SLC4A4: variants seen among roughly 807,000 people sequenced by gnomAD.
The protein encoded by SLC4A4 is solute carrier family 4 member 4, also known as electrogenic sodium bicarbonate cotransporter 1.
A neutral mutation model predicts 111.5 loss-of-function variants in SLC4A4; 27 were observed. That is an observed-to-expected ratio of 0.24 (90% CI 0.18 to 0.33). SLC4A4 has a LOEUF of 0.33. Among genes scored for constraint, SLC4A4 ranks in the 10% least tolerant of loss-of-function variants. SLC4A4 has a pLI of 1.00. For missense variants in SLC4A4, 909 were observed against 1,315.5 expected, an observed-to-expected ratio of 0.69 and a Z score of 4.78; for synonymous variants, 443 against 463.4, an observed-to-expected ratio of 0.96 and a Z score of 0.57.
At chr4:71,393,509 CAT>C (rs1299989848) in intron 6 of SLC4A4, among the ~76,000 whole-genome samples, 1 of 152,042 alleles carries the variant, frequency 6.6e-6, no homozygotes, top group Non-Finnish European at 1.5e-5. Flanking sequence ...TGAAAGAAAT[CAT>C]AGATGACACA....
At chr4:71,068,225 TA>T (rs1232443041) in intron 1 of SLC4A4, among the ~76,000 whole-genome samples, 1 of 151,686 alleles carries the variant, frequency 6.6e-6, no homozygotes, top group Non-Finnish European at 1.5e-5. Flanking sequence ...CCACCACATC[TA>T]GCTAATTTTT....
intron 7 of SLC4A4, among the ~76,000 whole-genome samples, chr4:71,419,986 G>A (rs1329830673): frequency 3.9e-5 from 6 of 152,218 alleles, no homozygotes; most frequent in South Asian, 2.1e-4. Flanking sequence ...AAAGCTGGAC[G>A]GAGAATGACT....
At position 71,547,868 on chromosome 4, in the gene SLC4A4, T is replaced by C; in HGVS notation, c.2694+148T>C. ...CAGGGGTCAAGTAGAAAGAGAGCTT[T>C]AAATAGCTTTTGTCTTGATTTCCTT... On this transcript the variant is annotated intron_variant, in intron 20 of 25. Transcript: ENST00000264485. 5.5e-6 allele frequency: 4 copies of C among 728,316 alleles called. No individual in the cohort carries two copies. The South Asian group carries it at 6.0e-5, about 11-fold the overall frequency. The allele number at this position is 728,316 out of a possible 1,614,324, so 45.1% of individuals were successfully genotyped here.
At chr4:71,484,527 G>A (rs10025503) in intron 14 of SLC4A4, among the ~76,000 whole-genome samples, 23,211 of 151,760 alleles carry the variant, frequency 0.15, 2,062 homozygotes, top group South Asian at 0.31. Context: ...ATAGGTCTAT[G>A]TGTCAGTTTT....
intron 16 of SLC4A4, among the ~76,000 whole-genome samples, chr4:71,501,996 C>T (rs973730283): frequency 6.6e-6 from 1 of 152,076 alleles, no homozygotes; most frequent in East Asian, 1.9e-4. Flanking sequence ...GAGTCTTGCT[C>T]TGTTGCCCAG....
chr4:71,290,126 G>A (rs144000478), intron 3 of SLC4A4, among the ~76,000 whole-genome samples: 1,524 of 152,310 alleles, frequency 0.01, 11 homozygotes, highest in Middle Eastern at 0.048. Context: ...CTTTTCAGAT[G>A]TAGCAATCAT....
At chr4:71,338,371 A>G (rs1728598235) in intron 3 of SLC4A4, among the ~76,000 whole-genome samples, 2 of 152,166 alleles carry the variant, frequency 1.3e-5, no homozygotes, top group African/African-American at 2.4e-5. Flanking sequence ...GTGTCTATCC[A>G]TAATAAATAT....
intron 2 of SLC4A4, among the ~76,000 whole-genome samples, chr4:71,123,175 G>T (rs1015970929): frequency 6.6e-6 from 1 of 152,142 alleles, no homozygotes; most frequent in African/African-American, 2.4e-5. Context: ...ACTAAAAGGT[G>T]TTCCAGGAAG....
chr4:71,150,873 C>T (rs1195960577), intron 2 of SLC4A4, among the ~76,000 whole-genome samples: 1 of 152,076 alleles, frequency 6.6e-6, no homozygotes, highest in Non-Finnish European at 1.5e-5. Flanking sequence ...GGTCTGGAAT[C>T]TGGGGATGTT....
intron 1 of SLC4A4, among the ~76,000 whole-genome samples, chr4:71,068,945 A>G (rs974663659): frequency 2.0e-5 from 3 of 152,212 alleles, no homozygotes; most frequent in Admixed American, 1.3e-4. Flanking sequence ...AGGATTAGGA[A>G]TAAGTTCAGT....
At chr4:71,090,502 G>A (rs772863917) in intron 1 of SLC4A4, among the ~76,000 whole-genome samples, 3 of 152,160 alleles carry the variant, frequency 2.0e-5, no homozygotes, top group Non-Finnish European at 4.4e-5. Flanking sequence ...CTGGGTAACA[G>A]TTTTTATTAA....
At chr4:71,504,662 A>T (rs1275055159) in intron 16 of SLC4A4, among the ~76,000 whole-genome samples, 17 of 70,132 alleles carry the variant, frequency 2.4e-4, no homozygotes, top group African/African-American at 9.3e-4. Flanking sequence ...ATTGTGTTTC[A>T]TGGGGGGGGG....
intron 2 of SLC4A4, among the ~76,000 whole-genome samples, chr4:71,239,387 T>C (rs1022185021): frequency 1.3e-5 from 2 of 152,178 alleles, no homozygotes; most frequent in Admixed American, 6.5e-5. Flanking sequence ...TTAAAAGTGC[T>C]TAGGGTCCCC....
At chr4:71,241,171 C>T (rs1183056498) in intron 2 of SLC4A4, among the ~76,000 whole-genome samples, 4 of 152,004 alleles carry the variant, frequency 2.6e-5, no homozygotes, top group African/African-American at 9.7e-5. Context: ...TATCTTAGTA[C>T]TCTTATTCTA....
chr4:71,082,363 A>G (rs1306446397), intron 1 of SLC4A4, among the ~76,000 whole-genome samples: 1 of 151,920 alleles, frequency 6.6e-6, no homozygotes, highest in East Asian at 1.9e-4. Flanking sequence ...AGAACACTCT[A>G]TCCTCTCACC....
intron 7 of SLC4A4, among the ~76,000 whole-genome samples, chr4:71,415,553 T>A (rs1721756730): frequency 6.6e-6 from 1 of 152,236 alleles, no homozygotes; most frequent in South Asian, 2.1e-4. Flanking sequence ...TTGCGTAGGT[T>A]AAACTTTAAA....
At position 71,370,164 on chromosome 4, in the gene SLC4A4, A is replaced by G. The variant is rs547842789; in HGVS notation, c.730+12977A>G. ...ATCTTGTGAAGTGGCTATTGTTATT[A>G]CCCACATTTGACAGATGAAGAAATT... On this transcript the variant is annotated intron_variant, in intron 6 of 25. Transcript: ENST00000264485. Among the ~76,000 whole-genome samples the G allele has an allele frequency of 1.3e-3, 193 of 152,322 alleles. 1 individual carries two copies. Among genetic ancestry groups the G allele is most frequent in the African/African-American group, 4.5e-3 (189 of 41,570 alleles).
intron 7 of SLC4A4, among the ~76,000 whole-genome samples, chr4:71,422,468 T>C (rs976840439): frequency 1.3e-5 from 2 of 151,566 alleles, no homozygotes; most frequent in Admixed American, 1.3e-4. Context: ...AAAGAGGGAA[T>C]CCTCCCTAAC....
intron 3 of SLC4A4, among the ~76,000 whole-genome samples, chr4:71,308,162 A>G (rs1725839803): frequency 6.6e-6 from 1 of 152,126 alleles, no homozygotes; most frequent in Non-Finnish European, 1.5e-5. Flanking sequence ...ACTGAAGTCT[A>G]TACTTGTAGG....
Sources: allele counts gnomAD v4.1 joint callset (sites outside exome capture counted in the v4.1 genomes callset), GRCh38; gene constraint gnomAD v4.1.1; transcripts MANE v1.5; gene names NCBI Gene and HGNC (gene_info 2026-07-23, HGNC 2026-07-21).